ENTPD6: variants seen among roughly 807,000 people sequenced by gnomAD.
ENTPD6 encodes CD39 antigen-like 2.
ENTPD6 carries 46 observed loss-of-function variants against 61.5 expected under a neutral mutation model. The observed-to-expected ratio is 0.75, with a 90% CI of 0.59 to 0.96. The LOEUF (loss-of-function observed/expected upper bound fraction) is 0.96, where lower values mean the gene tolerates loss of function less well. Ranked by LOEUF, ENTPD6 falls within the 40% of genes least tolerant of loss-of-function variation. The pLI, the probability that ENTPD6 is intolerant of heterozygous loss-of-function variation, is 0.00. For missense variants in ENTPD6, 612 were observed against 629.0 expected, an observed-to-expected ratio of 0.97 and a Z score of 0.29; for synonymous variants, 252 against 255.5, an observed-to-expected ratio of 0.99 and a Z score of 0.13.
At chr20:25,200,104 G>A (rs2122467946) in intron 1 of ENTPD6, among the ~76,000 whole-genome samples, 1 of 152,272 alleles carries the variant, frequency 6.6e-6, no homozygotes, top group East Asian at 1.9e-4. Context: ...GCGCACAAGG[G>A]TTCCAGTTTC....
At position 25,206,607 on chromosome 20, in the gene ENTPD6, C is replaced by T. The variant is rs79937389; in HGVS notation, c.54+17C>T. Reference sequence around the variant, plus strand: ...ATTTTTCAGGTTTGTCTGGGGCTCTCAGTAGTTGCCCAAGGGACGGAGTTT... The same window carrying T: ...ATTTTTCAGGTTTGTCTGGGGCTCTTAGTAGTTGCCCAAGGGACGGAGTTT... On this transcript the variant is annotated intron_variant, in intron 2 of 14. Transcript: ENST00000376652. 692 of 1,584,568 alleles carry T rather than the reference C, an allele frequency of 4.4e-4. 3 individuals are homozygous for T. In the East Asian group the frequency reaches 0.011, roughly 25 times the overall value.
At chr20:25,197,627 T>G (rs1005448621) in intron 1 of ENTPD6, among the ~76,000 whole-genome samples, 2 of 152,128 alleles carry the variant, frequency 1.3e-5, no homozygotes, top group African/African-American at 4.8e-5. Flanking sequence ...GGAATGAAAT[T>G]GCTGTTTAGA....
In ENTPD6 at chr20:25,207,162, G is replaced by A; in HGVS notation, c.141G>A (p.Leu47=). 6.2e-7 allele frequency: 1 copy of A among 1,614,120 alleles called. No individual in the cohort carries two copies. Among genetic ancestry groups the A allele is most frequent in the South Asian group, 1.1e-5 (1 of 91,082 alleles). Residue 47 remains leucine, a synonymous_variant, in exon 3 of 15, where the codon CTG becomes CTA. Coordinates refer to ENST00000376652, the MANE Select transcript of ENTPD6 (RefSeq NM_001247.5). ...GGGTGGCGAAGGTGGCATACCCCCT[G>A]GGGCTGTGTGTGGGCGTGTTCATCT... The part of the protein sequence containing the change: ...SLRVAKVAYP[L]GLCVGVFIYV...
chr20:25,206,093 C>T (rs1051229718), intron 1 of ENTPD6, among the ~76,000 whole-genome samples: 1 of 152,256 alleles, frequency 6.6e-6, no homozygotes, highest in Non-Finnish European at 1.5e-5. Flanking sequence ...TGAATCCCCA[C>T]AGTCACGAGG....
In ENTPD6 at chr20:25,227,849, C is replaced by T. The variant is rs913282696; in HGVS notation, c.*2252C>T. On this transcript the variant is annotated 3_prime_UTR_variant, in exon 15 of 15. Coordinates refer to ENST00000376652, the MANE Select transcript of ENTPD6 (RefSeq NM_001247.5). ...CTGGACAAGCATCGGTGCTGGCCTC[C>T]CCCATGTCCTAACAGCTACAGCCAG... is the stretch of plus-strand genomic sequence containing the variant. Among the ~76,000 whole-genome samples the T allele has an allele frequency of 6.6e-6, 1 of 152,256 alleles. No individual in the cohort carries two copies. The highest frequency in any genetic ancestry group is 1.5e-5 in the Non-Finnish European group (1 of 68,044).
At chr20:25,219,767 ACTT>A (rs149918910) in intron 10 of ENTPD6, among the ~76,000 whole-genome samples, 3,221 of 152,260 alleles carry the variant, frequency 0.021, 104 homozygotes, top group African/African-American at 0.07. Flanking sequence ...ACCCCTGCCC[ACTT>A]CTTCCGAGGG....
In ENTPD6 at chr20:25,195,755, G is replaced by T. The variant is rs1318746590; in HGVS notation, c.-128G>T. Reference sequence around the variant, plus strand: ...GGAATCGTGGGGTCGTATCCCGCGGGTGGAGGCCGGGGTGGCGCCGGCCGG... The same window carrying T: ...GGAATCGTGGGGTCGTATCCCGCGGTTGGAGGCCGGGGTGGCGCCGGCCGG... On this transcript the variant is annotated 5_prime_UTR_variant, in exon 1 of 15. Transcript: ENST00000376652. The T allele has an allele frequency of 1.1e-6, 1 of 902,844 alleles. No homozygotes were observed. 55.9% of individuals were successfully genotyped at this position (902,844 alleles called of 1,614,324 possible).
intron 12 of ENTPD6, 55 bp from the exon 13 acceptor site, chr20:25,224,046 G>A: frequency 6.4e-7 from 1 of 1,555,490 alleles, no homozygotes; most frequent in Non-Finnish European, 8.8e-7. Context: ...TCACGTCTCA[G>A]TGGCATCGCC....
At chr20:25,220,145 A>C (rs1266278266) in intron 10 of ENTPD6, among the ~76,000 whole-genome samples, 3 of 152,186 alleles carry the variant, frequency 2.0e-5, no homozygotes, top group Admixed American at 6.5e-5. Context: ...ACCCAGGAGA[A>C]TGAGTCTCTG....
chr20:25,208,705 T>A (rs1568616439), intron 3 of ENTPD6, among the ~76,000 whole-genome samples: 1 of 152,194 alleles, frequency 6.6e-6, no homozygotes, highest in African/African-American at 2.4e-5. Flanking sequence ...ACACTCCATT[T>A]TTTAAAATGA....
intron 4 of ENTPD6, among the ~76,000 whole-genome samples, chr20:25,210,353 A>T (rs80053117): frequency 0.026 from 3,951 of 152,328 alleles, 51 homozygotes; most frequent in Middle Eastern, 0.095. Context: ...TGAAAAAAAA[A>T]AATTAGTGTT....
chr20:25,216,499 A>G lies in ENTPD6; in HGVS notation c.710-149A>G, dbSNP rs73339087. The stretch of plus-strand genomic sequence containing the variant: ...GCCATTACTCTTGTCCCTTAGATAT[A>G]TAGTGTACCCTTAAATGGAGATTTG... On this transcript the variant is annotated intron_variant, in intron 7 of 14. Transcript: ENST00000376652. 3.9e-3 allele frequency: 2,408 copies of G among 619,312 alleles called. 48 individuals carry two copies. In the African/African-American group the frequency reaches 0.039, roughly 10 times the overall value. 38.4% of individuals were successfully genotyped at this position (619,312 alleles called of 1,614,324 possible).
At chr20:25,204,186 C>A (rs768689430) in intron 1 of ENTPD6, among the ~76,000 whole-genome samples, 5 of 152,124 alleles carry the variant, frequency 3.3e-5, no homozygotes, top group Non-Finnish European at 7.3e-5. Context: ...TCACATGTGG[C>A]CAGAACTCCT....
chr20:25,216,869 G>A (rs551611427), intron 8 of ENTPD6, 133 bp downstream of exon 8: 238 of 619,084 alleles, frequency 3.8e-4, no homozygotes, highest in Middle Eastern at 3.1e-3. Context: ...GGACCCCTGC[G>A]GTCATTTCCT....
At chr20:25,214,609 A>G (rs1568629701) in intron 5 of ENTPD6, 1 of 460,130 alleles carries the variant, frequency 2.2e-6, no homozygotes, top group East Asian at 4.3e-5. Flanking sequence ...ACACACTCAC[A>G]GAACATGGCA....
At chr20:25,200,405 C>T (rs577968382) in intron 1 of ENTPD6, among the ~76,000 whole-genome samples, 1 of 152,186 alleles carries the variant, frequency 6.6e-6, no homozygotes, top group African/African-American at 2.4e-5. Context: ...GTTTCTTTTG[C>T]TGGGTAGAAG....
At chr20:25,223,968 C>A in intron 12 of ENTPD6, 133 bp from the exon 13 acceptor site, 1 of 748,828 alleles carries the variant, frequency 1.3e-6, no homozygotes, top group Non-Finnish European at 2.2e-6. Flanking sequence ...CCGCCTACAG[C>A]TGGAGGGCCT....
Position 25,221,288 on chromosome 20 carries a change from T to C in ENTPD6, c.1000T>C (p.Trp334Arg). The C allele has an allele frequency of 6.2e-7, 1 of 1,613,462 alleles. No homozygotes were observed. ...PCLSPSFKGE[W>R]EHAEVTYRVS... ...CTTGTCTCCCAGTTTCAAAGGAGAG[T>C]GGGAACACGCAGAAGTCACGTACAG... is the stretch of plus-strand genomic sequence containing the variant. The change falls in exon 11 of 15, where the codon TGG becomes CGG. Residue 334 changes from tryptophan (W) to arginine (R), a missense_variant. Transcript: ENST00000376652.
chr20:25,223,066 G>A (rs1047632682), intron 12 of ENTPD6, 88 bp downstream of exon 12: 9 of 1,483,394 alleles, frequency 6.1e-6, no homozygotes, highest in African/African-American at 5.5e-5. Flanking sequence ...CAGAGGGCTG[G>A]TGGCAGGCAA....
Sources: gnomAD v4.1 joint callset for allele counts (sites outside exome capture counted in the v4.1 genomes callset) on GRCh38, gnomAD v4.1.1 for gene constraint, MANE v1.5 for transcripts, NCBI Gene and HGNC (gene_info 2026-07-23, HGNC 2026-07-21) for gene names.